The following ROBO2 variants were observed in gnomAD, a reference collection of about 807,000 sequenced individuals.
The protein encoded by ROBO2 is roundabout homolog 2.
A neutral mutation model predicts 160.8 loss-of-function variants in ROBO2; 53 were observed. That is an observed-to-expected ratio of 0.33 (90% CI 0.26 to 0.41). The LOEUF (loss-of-function observed/expected upper bound fraction) is 0.41. Among genes scored for constraint, ROBO2 ranks in the 10% least tolerant of loss-of-function variants. The pLI, the probability that ROBO2 is intolerant of heterozygous loss-of-function variation, is 1.00. For missense variants in ROBO2, 1,577 were observed against 1,722.4 expected (o/e 0.92, Z 1.49); for synonymous variants, 664 against 611.7 (o/e 1.09, Z -1.26).
intron 2 of ROBO2, among the ~76,000 whole-genome samples, chr3:76,998,952 C>T (rs550504935): frequency 1.3e-5 from 2 of 152,210 alleles, no homozygotes; most frequent in African/African-American, 4.8e-5. Context: ...AAGGCTTCAA[C>T]TTAGAAGTAT....
At chr3:77,359,134 C>T (rs2069562004) in intron 2 of ROBO2, among the ~76,000 whole-genome samples, 1 of 152,198 alleles carries the variant, frequency 6.6e-6, no homozygotes, top group South Asian at 2.1e-4. Flanking sequence ...ATCAAATGTT[C>T]TTTGACAAAG....
intron 2 of ROBO2, among the ~76,000 whole-genome samples, chr3:76,994,464 GAA>G (rs559527858): frequency 1.1e-3 from 169 of 152,254 alleles, no homozygotes; most frequent in African/African-American, 3.9e-3. Context: ...GATTTACTCT[GAA>G]ATGATTGCAA....
At chr3:77,615,606 A>T (rs1259416472) in intron 21 of ROBO2, among the ~76,000 whole-genome samples, 1 of 152,142 alleles carries the variant, frequency 6.6e-6, no homozygotes, top group Non-Finnish European at 1.5e-5. Flanking sequence ...TACCTTTTTT[A>T]GACCTTTCAC....
intron 2 of ROBO2, among the ~76,000 whole-genome samples, chr3:77,136,558 T>A (rs1020301160): frequency 4.4e-5 from 6 of 137,762 alleles, no homozygotes; most frequent in African/African-American, 1.6e-4. Flanking sequence ...TAGTGCAGCC[T>A]CAAACTGTTG....
chr3:76,787,586 T>C (rs981024616), intron 2 of ROBO2, among the ~76,000 whole-genome samples: 6 of 151,450 alleles, frequency 4.0e-5, no homozygotes, highest in African/African-American at 1.5e-4. Context: ...TATCTTTTGT[T>C]ATCTATAAGT....
intron 1 of ROBO2, among the ~76,000 whole-genome samples, chr3:75,929,686 C>T (rs1947451061): frequency 6.6e-6 from 1 of 151,864 alleles, no homozygotes; most frequent in African/African-American, 2.4e-5. Flanking sequence ...AGACCTCCTT[C>T]CTGGGCACTC....
intron 2 of ROBO2, among the ~76,000 whole-genome samples, chr3:77,325,443 C>T (rs2065281633): frequency 6.6e-6 from 1 of 152,212 alleles, no homozygotes; most frequent in African/African-American, 2.4e-5. Context: ...ACTGGACTGA[C>T]ATTTCCTTAG....
intron 14 of ROBO2, among the ~76,000 whole-genome samples, chr3:77,575,082 T>C (rs1336177835): frequency 6.6e-6 from 1 of 152,128 alleles, no homozygotes; most frequent in Non-Finnish European, 1.5e-5. Flanking sequence ...TTGTGACTAC[T>C]CTTCTTTTGT....
At chr3:76,540,007 C>T (rs2082729128) in intron 2 of ROBO2, among the ~76,000 whole-genome samples, 2 of 152,060 alleles carry the variant, frequency 1.3e-5, no homozygotes, top group Non-Finnish European at 2.9e-5. Flanking sequence ...ATAGTTAACA[C>T]AGATATTTCC....
intron 2 of ROBO2, among the ~76,000 whole-genome samples, chr3:76,298,111 C>G (rs544788056): frequency 4.9e-4 from 74 of 152,178 alleles, no homozygotes; most frequent in Admixed American, 1.3e-3. Flanking sequence ...CAGCCTTTTT[C>G]GAAACATGCC....
At chr3:76,784,932 G>C (rs1035607137) in intron 2 of ROBO2, among the ~76,000 whole-genome samples, 3 of 151,132 alleles carry the variant, frequency 2.0e-5, no homozygotes, top group African/African-American at 7.3e-5. Context: ...TTGTGACACT[G>C]CTTATCTTAC....
intron 2 of ROBO2, among the ~76,000 whole-genome samples, chr3:77,171,356 C>T (rs749924059): frequency 8.5e-5 from 13 of 152,134 alleles, no homozygotes; most frequent in Non-Finnish European, 1.3e-4. Flanking sequence ...CAGCCTGCTT[C>T]GTCCTGCTTA....
intron 1 of ROBO2, among the ~76,000 whole-genome samples, chr3:75,923,637 G>A (rs1947158096): frequency 6.6e-6 from 1 of 152,180 alleles, no homozygotes; most frequent in Admixed American, 6.5e-5. Flanking sequence ...GTGCAAGCCT[G>A]TGCAATACAC....
chr3:76,080,787 G>T (rs2068799435), intron 2 of ROBO2, among the ~76,000 whole-genome samples: 1 of 152,146 alleles, frequency 6.6e-6, no homozygotes, highest in Non-Finnish European at 1.5e-5. Flanking sequence ...AGATATATGA[G>T]TCTTTATGCA....
At chr3:77,574,431 G>A in intron 13 of ROBO2, 68 bp from the exon 15 acceptor site, 1 of 1,325,100 alleles carries the variant, frequency 7.5e-7, no homozygotes, top group Non-Finnish European at 1.1e-6. Context: ...AATGAAAAGA[G>A]GACAAATTCA....
chr3:77,583,151 C>CA (rs2093961511), intron 16 of ROBO2, among the ~76,000 whole-genome samples: 4 of 121,822 alleles, frequency 3.3e-5, no homozygotes, highest in Non-Finnish European at 3.4e-5. Context: ...CTCTGTCTCT[C>CA]CAAAAAAAAA....
At chr3:77,639,333 T>C (rs1235788189) in intron 24 of ROBO2, among the ~76,000 whole-genome samples, 2 of 152,076 alleles carry the variant, frequency 1.3e-5, no homozygotes, top group Admixed American at 1.3e-4. Flanking sequence ...TTGGGGAAGA[T>C]AGATAAAGAC....
chr3:76,454,148 C>T (rs571769358), intron 2 of ROBO2, among the ~76,000 whole-genome samples: 1 of 152,188 alleles, frequency 6.6e-6, no homozygotes, highest in African/African-American at 2.4e-5. Flanking sequence ...TTTGTGAGTA[C>T]TTATTGGATC....
chr3:77,506,413 A>G (rs956624544), intron 5 of ROBO2, among the ~76,000 whole-genome samples: 37 of 152,082 alleles, frequency 2.4e-4, no homozygotes, highest in Non-Finnish European at 7.4e-5. Context: ...CCTTTGCCTT[A>G]TTTATGTTTA....
Sources: allele counts gnomAD v4.1 joint callset (sites outside exome capture counted in the v4.1 genomes callset), GRCh38; gene constraint gnomAD v4.1.1; transcripts MANE v1.5; gene names NCBI Gene and HGNC (gene_info 2026-07-23, HGNC 2026-07-21).